LRRC63: variants seen among roughly 807,000 people sequenced by gnomAD.
LRRC63 encodes the protein leucine rich repeat containing 63.
A neutral mutation model predicts 49.5 loss-of-function variants in LRRC63; 40 were observed. The observed-to-expected ratio is 0.81, with a 90% CI of 0.63 to 1.05. The LOEUF (loss-of-function observed/expected upper bound fraction) is 1.05, where lower values mean the gene tolerates loss of function less well. LRRC63 is among the 50% of genes least tolerant of loss of function. The probability of loss-of-function intolerance (pLI) is 0.00; values close to 1 mark genes in which losing one functional copy is unlikely to be tolerated. For synonymous variants in LRRC63, 191 were observed against 221.1 expected (o/e 0.86, Z 1.21); for missense variants, 636 against 663.1 (o/e 0.96, Z 0.45).
chr13:46,275,196 C>A (rs2047817058), intron 9 of LRRC63, among the ~76,000 whole-genome samples: 1 of 152,054 alleles, frequency 6.6e-6, no homozygotes, highest in Admixed American at 6.6e-5. Context: ...GTGTACATAC[C>A]ATATTTTCTT....
chr13:46,217,469 G>A (rs1041664491), intron 2 of LRRC63, among the ~76,000 whole-genome samples: 1 of 151,958 alleles, frequency 6.6e-6, no homozygotes, highest in Non-Finnish European at 1.5e-5. Context: ...CCCTTTATCA[G>A]TTTTTATTGT....
intron 9 of LRRC63, among the ~76,000 whole-genome samples, chr13:46,267,257 G>A (rs1206163390): frequency 6.6e-6 from 1 of 152,216 alleles, no homozygotes; most frequent in Non-Finnish European, 1.5e-5. Flanking sequence ...AAATGTCTAA[G>A]TTCACAGAAG....
chr13:46,274,300 G>A (rs2047801477), intron 9 of LRRC63, among the ~76,000 whole-genome samples: 1 of 152,196 alleles, frequency 6.6e-6, no homozygotes. Flanking sequence ...TGTGACATTA[G>A]TAAAAATAAG....
intron 2 of LRRC63, among the ~76,000 whole-genome samples, chr13:46,219,813 T>C (rs1355904387): frequency 6.6e-6 from 1 of 152,248 alleles, no homozygotes; most frequent in Non-Finnish European, 1.5e-5. Flanking sequence ...TTGATGTTGA[T>C]GCTATTCCTT....
rs564815962 is a variant in LRRC63, at chr13:46,253,132, G to A, written c.1226+2641G>A. On this transcript the variant is annotated intron_variant, in intron 7 of 9. Transcript: ENST00000595396. ...AATGGTAGTGAGCATGGAGAAGGAG[G>A]AACAAATTGTTATGAAATTGAAGTA... Among the ~76,000 whole-genome samples the A allele has an allele frequency of 4.0e-5, 6 of 151,516 alleles. No homozygotes were observed. In the Admixed American group the frequency reaches 4.0e-4, roughly 10 times the overall value.
At chr13:46,228,959 G>A (rs796117704) in intron 4 of LRRC63, among the ~76,000 whole-genome samples, 5 of 152,160 alleles carry the variant, frequency 3.3e-5, no homozygotes, top group South Asian at 2.1e-4. Flanking sequence ...TGATGCACTC[G>A]TAATCTGGGT....
At chr13:46,232,076 A>T (rs1331630138) in intron 4 of LRRC63, among the ~76,000 whole-genome samples, 1 of 151,766 alleles carries the variant, frequency 6.6e-6, no homozygotes. Context: ...CGGCCTCCCA[A>T]AGTGCTGGGA....
chr13:46,222,631 A>G (rs886711451), intron 2 of LRRC63, among the ~76,000 whole-genome samples: 1 of 152,094 alleles, frequency 6.6e-6, no homozygotes, highest in Admixed American at 6.6e-5. Flanking sequence ...AACTAGTTCA[A>G]CCATTGTGGA....
chr13:46,240,417 G>A (rs567238757), intron 5 of LRRC63, among the ~76,000 whole-genome samples: 15 of 152,074 alleles, frequency 9.9e-5, no homozygotes, highest in East Asian at 1.9e-4. Flanking sequence ...GTGAGCCACC[G>A]CGCCCGGCCA....
intron 2 of LRRC63, among the ~76,000 whole-genome samples, chr13:46,214,681 C>T (rs897967423): frequency 2.6e-5 from 4 of 151,446 alleles, no homozygotes; most frequent in African/African-American, 9.7e-5. Flanking sequence ...ATGCACAGAA[C>T]GTGCAGGTTT....
At chr13:46,237,907 C>G (rs1449511514) in intron 5 of LRRC63, among the ~76,000 whole-genome samples, 1 of 151,962 alleles carries the variant, frequency 6.6e-6, no homozygotes, top group African/African-American at 2.4e-5. Context: ...CAAAAAAAAT[C>G]CGAGCAGATG....
chr13:46,259,268 T>C (rs1490446000), intron 7 of LRRC63, among the ~76,000 whole-genome samples: 1 of 152,216 alleles, frequency 6.6e-6, no homozygotes, highest in Non-Finnish European at 1.5e-5. Context: ...TGTTTTTTTT[T>C]CCTGTTCCCA....
At chr13:46,214,069 C>A (rs2046174251) in intron 2 of LRRC63, among the ~76,000 whole-genome samples, 1 of 112,570 alleles carries the variant, frequency 8.9e-6, no homozygotes, top group Non-Finnish European at 1.7e-5. Flanking sequence ...AATGCTTAAT[C>A]CTCTATTTCT....
At position 46,276,648 on chromosome 13, in the gene LRRC63, C is replaced by T. The variant is rs973585193; in HGVS notation, c.1609C>T (p.Arg537Ter). 1.3e-5 allele frequency: 16 copies of T among 1,230,860 alleles called. No individual in the cohort carries two copies. The highest frequency in any genetic ancestry group is 1.6e-5 in the African/African-American group (1 of 64,182). 76.2% of individuals were successfully genotyped at this position (1,230,860 alleles called of 1,614,324 possible). ...GTTTGGTGAAGGTTTTCGTGTCATC[C>T]GATCCTGTGATATTTTTGGAGCATC... Residue 537 changes from arginine to a stop codon, truncating the protein, a stop_gained, in exon 10 of 10, where the codon CGA becomes TGA. Transcript: ENST00000595396. LOFTEE classifies it low-confidence loss of function (END_TRUNC).
In LRRC63 at chr13:46,232,061, G is replaced by A. The variant is rs529673411; in HGVS notation, c.833-2131G>A. On this transcript the variant is annotated intron_variant, in intron 4 of 9. Transcript: ENST00000595396. ...TGATCTCCTGACCTCGTGATCCGCC[G>A]GCCTCGGCCTCCCAAAGTGCTGGGA... Among the ~76,000 whole-genome samples the A allele has an allele frequency of 1.2e-3, 166 of 142,070 alleles. 1 individual carries two copies. Among genetic ancestry groups the A allele is most frequent in the Non-Finnish European group, 1.8e-3 (116 of 64,850 alleles). 93.2% of individuals were successfully genotyped at this position (142,070 alleles called of 152,430 possible).
chr13:46,276,867 TTTA>T (rs1285970423), exon 10 of LRRC63: 46 of 164,144 alleles, frequency 2.8e-4, no homozygotes, highest in South Asian at 6.4e-4. Flanking sequence ...TATATATATA[TTTA>T]TATATATATA....
chr13:46,257,088 C>CA (rs2047524090), intron 7 of LRRC63, among the ~76,000 whole-genome samples: 1 of 152,124 alleles, frequency 6.6e-6, no homozygotes, highest in African/African-American at 2.4e-5. Flanking sequence ...AAGCATTTGT[C>CA]AGAGAGATAC....
chr13:46,247,515 T>G (rs7331624), intron 6 of LRRC63, among the ~76,000 whole-genome samples: 6,478 of 152,174 alleles, frequency 0.043, 456 homozygotes, highest in African/African-American at 0.15. Flanking sequence ...TAGTCACTTG[T>G]AAGATATAAA....
At chr13:46,220,148 G>A (rs1333082551) in intron 2 of LRRC63, among the ~76,000 whole-genome samples, 3 of 152,154 alleles carry the variant, frequency 2.0e-5, no homozygotes, top group Non-Finnish European at 4.4e-5. Flanking sequence ...TGGGAGCTCC[G>A]CTGCTCTCTT....
Sources: allele counts gnomAD v4.1 joint callset (sites outside exome capture counted in the v4.1 genomes callset), GRCh38; gene constraint gnomAD v4.1.1; transcripts MANE v1.5; gene names NCBI Gene and HGNC (gene_info 2026-07-23, HGNC 2026-07-21).